Variants in SNX29 observed in about 807,000 individuals in gnomAD.
SNX29 encodes sorting nexin 29.
In SNX29, 78 loss-of-function variants were observed where a neutral mutation model predicts 102.1. The ratio of observed to expected loss-of-function variants is 0.76; its 90% CI spans 0.64 to 0.92. SNX29 has a LOEUF of 0.92. Ranked by LOEUF, SNX29 falls within the 40% of genes least tolerant of loss-of-function variation. The pLI, the probability that SNX29 is intolerant of heterozygous loss-of-function variation, is 0.00. For synonymous variants in SNX29, 580 were observed against 414.5 expected (o/e 1.40, Z -4.85); for missense variants, 1,280 against 1,061.7 (o/e 1.21, Z -2.86).
chr16:12,299,821 T>A (rs2080106259), intron 15 of SNX29, among the ~76,000 whole-genome samples: 1 of 151,714 alleles, frequency 6.6e-6, no homozygotes, highest in Admixed American at 6.6e-5. Context: ...TGATTTAATA[T>A]TTGTATCTTT....
intron 14 of SNX29, among the ~76,000 whole-genome samples, chr16:12,236,742 C>A (rs546042366): frequency 6.6e-6 from 1 of 152,238 alleles, no homozygotes; most frequent in Non-Finnish European, 1.5e-5. Flanking sequence ...TCTTTCGCAT[C>A]TCCCTTGGCC....
At chr16:12,476,407 TATATAC>T (rs1215632384) in intron 18 of SNX29, among the ~76,000 whole-genome samples, 425 of 20,650 alleles carry the variant, frequency 0.021, 16 homozygotes, top group African/African-American at 0.035. Context: ...TATATATATA[TATATAC>T]ATATATATAT....
chr16:12,157,033 C>G (rs909490198), intron 13 of SNX29, among the ~76,000 whole-genome samples: 12 of 152,124 alleles, frequency 7.9e-5, no homozygotes, highest in Admixed American at 7.9e-4. Flanking sequence ...TCCTAGGAAG[C>G]TACAGTGAGG....
At chr16:12,079,493 A>AG (rs952099757) in intron 11 of SNX29, among the ~76,000 whole-genome samples, 3 of 150,574 alleles carry the variant, frequency 2.0e-5, no homozygotes, top group African/African-American at 7.4e-5. Flanking sequence ...CTGGAGGCAG[A>AG]GGGGGCACTT....
intron 15 of SNX29, among the ~76,000 whole-genome samples, chr16:12,302,718 A>G: frequency 6.6e-6 from 1 of 152,230 alleles, no homozygotes; most frequent in Non-Finnish European, 1.5e-5. Flanking sequence ...CATTCAGACC[A>G]TAGTTTCTCC....
intron 13 of SNX29, among the ~76,000 whole-genome samples, chr16:12,176,212 T>G (rs1460794311): frequency 2.0e-5 from 3 of 152,240 alleles, no homozygotes; most frequent in African/African-American, 7.2e-5. Flanking sequence ...TGGTTTCAAC[T>G]GCCCAGTCTC....
At chr16:12,505,567 G>A (rs190171938) in intron 19 of SNX29, among the ~76,000 whole-genome samples, 19 of 152,246 alleles carry the variant, frequency 1.2e-4, no homozygotes, top group Admixed American at 1.0e-3. Flanking sequence ...TGTAGAGATA[G>A]GAAAATGGTC....
chr16:12,005,515 A>G (rs1285528389), intron 3 of SNX29, among the ~76,000 whole-genome samples: 1 of 152,074 alleles, frequency 6.6e-6, no homozygotes, highest in East Asian at 1.9e-4. Context: ...GGTAATTAGG[A>G]AAGACTCCTC....
chr16:12,208,394 CT>C (rs1223807407), intron 14 of SNX29, among the ~76,000 whole-genome samples: 9 of 140,780 alleles, frequency 6.4e-5, no homozygotes, highest in Non-Finnish European at 1.1e-4. Flanking sequence ...AAACAGCTTA[CT>C]TTGGGGTTTG....
chr16:12,542,907 A>C (rs531713722), intron 20 of SNX29, among the ~76,000 whole-genome samples: 6 of 152,138 alleles, frequency 3.9e-5, no homozygotes, highest in Non-Finnish European at 8.8e-5. Context: ...TTGAGTAGGG[A>C]ATCTTTGCTT....
chr16:12,159,271 C>T (rs984482634), intron 13 of SNX29, among the ~76,000 whole-genome samples: 7 of 152,204 alleles, frequency 4.6e-5, no homozygotes, highest in African/African-American at 1.7e-4. Flanking sequence ...AGGGAGTTGG[C>T]TTCATTCCTC....
intron 13 of SNX29, among the ~76,000 whole-genome samples, chr16:12,164,645 G>A (rs1435639250): frequency 6.6e-6 from 1 of 151,032 alleles, no homozygotes; most frequent in East Asian, 1.9e-4. Context: ...TCTTACTTTG[G>A]GCAGCAGAAT....
chr16:12,544,526 T>G (rs1014599417), intron 20 of SNX29, among the ~76,000 whole-genome samples: 1 of 152,208 alleles, frequency 6.6e-6, no homozygotes, highest in Admixed American at 6.5e-5. Context: ...TGGGGAATTG[T>G]GTGGCCTAGG....
chr16:12,080,693 T>TA (rs201267677), intron 11 of SNX29, among the ~76,000 whole-genome samples: 70 of 81,580 alleles, frequency 8.6e-4, no homozygotes, highest in South Asian at 2.2e-3. Flanking sequence ...TACAGTTTAC[T>TA]TTTTTTTTTT....
intron 19 of SNX29, among the ~76,000 whole-genome samples, chr16:12,499,086 T>G (rs3852675): frequency 1.3e-5 from 2 of 151,902 alleles, no homozygotes; most frequent in African/African-American, 2.4e-5. Context: ...CTTCCCCTTA[T>G]GCCCTCCGCT....
chr16:12,191,543 A>G (rs2076642726), intron 13 of SNX29, among the ~76,000 whole-genome samples: 6 of 152,120 alleles, frequency 3.9e-5, no homozygotes, highest in African/African-American at 7.2e-5. Context: ...CATGGTGACA[A>G]TTACTCGAGG....
chr16:11,993,584 G>C (rs576108814), intron 1 of SNX29, among the ~76,000 whole-genome samples: 2 of 152,086 alleles, frequency 1.3e-5, no homozygotes, highest in Non-Finnish European at 2.9e-5. Flanking sequence ...TTTATCGTCC[G>C]AAGAGGTAGG....
intron 13 of SNX29, among the ~76,000 whole-genome samples, chr16:12,166,495 G>C (rs2056029506): frequency 6.6e-6 from 1 of 152,198 alleles, no homozygotes; most frequent in African/African-American, 2.4e-5. Context: ...CAGGAAGGCG[G>C]GGGGCATAGG....
At chr16:12,506,084 C>A (rs2089365462) in intron 19 of SNX29, among the ~76,000 whole-genome samples, 1 of 152,210 alleles carries the variant, frequency 6.6e-6, no homozygotes, top group South Asian at 2.1e-4. Context: ...CCTCAGCCTT[C>A]TGAGTAGCTG....
Sources: gnomAD v4.1 joint callset for allele counts (sites outside exome capture counted in the v4.1 genomes callset) on GRCh38, gnomAD v4.1.1 for gene constraint, MANE v1.5 for transcripts, NCBI Gene and HGNC (gene_info 2026-07-23, HGNC 2026-07-21) for gene names.